KCNIP4: variants seen among roughly 807,000 people sequenced by gnomAD.
KCNIP4 encodes the protein potassium voltage-gated channel interacting protein 4, also known as Kv channel-interacting protein 4.
KCNIP4 carries 12 observed loss-of-function variants against 34.0 expected under a neutral mutation model. The ratio of observed to expected loss-of-function variants is 0.35; its 90% CI spans 0.23 to 0.57. The LOEUF is 0.57. Ranked by LOEUF, KCNIP4 falls within the 20% of genes least tolerant of loss-of-function variation. KCNIP4 has a pLI of 0.83. For missense variants in KCNIP4, 238 were observed against 311.7 expected (o/e 0.76, Z 1.78); for synonymous variants, 124 against 102.2 (o/e 1.21, Z -1.29).
intron 1 of KCNIP4, among the ~76,000 whole-genome samples, chr4:21,184,645 T>C (rs1205030092): frequency 6.6e-6 from 1 of 152,192 alleles, no homozygotes; most frequent in Non-Finnish European, 1.5e-5. Context: ...GCCATGATCA[T>C]TTGTTCTGCA....
intron 1 of KCNIP4, among the ~76,000 whole-genome samples, chr4:20,933,382 G>T (rs1560580856): frequency 6.6e-6 from 1 of 152,102 alleles, no homozygotes; most frequent in African/African-American, 2.4e-5. Context: ...CAAGTAAATA[G>T]ATATTTATAA....
intron 1 of KCNIP4, among the ~76,000 whole-genome samples, chr4:21,480,256 T>C (rs886904823): frequency 1.3e-5 from 2 of 152,010 alleles, no homozygotes; most frequent in African/African-American, 4.8e-5. Context: ...AACAGAAAGA[T>C]GAACAGATTC....
chr4:21,401,545 A>G (rs140342608), intron 1 of KCNIP4, among the ~76,000 whole-genome samples: 1 of 152,318 alleles, frequency 6.6e-6, no homozygotes, highest in African/African-American at 2.4e-5. Flanking sequence ...GGGTAAATTG[A>G]TATTTCCCTA....
chr4:21,933,671 T>A (rs1460133028), intron 1 of KCNIP4, among the ~76,000 whole-genome samples: 1 of 152,092 alleles, frequency 6.6e-6, no homozygotes, highest in Non-Finnish European at 1.5e-5. Context: ...TAAGAAGTGA[T>A]AAATAAATGT....
chr4:21,622,983 A>G (rs1387235225), intron 1 of KCNIP4, among the ~76,000 whole-genome samples: 2 of 152,208 alleles, frequency 1.3e-5, no homozygotes, highest in East Asian at 3.9e-4. Flanking sequence ...TAAGTATTTA[A>G]CATTCAATAT....
At chr4:21,908,610 T>C (rs1728128171) in intron 1 of KCNIP4, among the ~76,000 whole-genome samples, 1 of 152,130 alleles carries the variant, frequency 6.6e-6, no homozygotes, top group African/African-American at 2.4e-5. Flanking sequence ...CAGTGAAAGG[T>C]ATCTGGAATA....
intron 1 of KCNIP4, among the ~76,000 whole-genome samples, chr4:21,885,977 C>A (rs988741435): frequency 6.6e-6 from 1 of 152,044 alleles, no homozygotes; most frequent in Admixed American, 6.6e-5. Flanking sequence ...AGTATCATTA[C>A]TCATTCTCAC....
At chr4:21,887,408 A>G (rs1288586297) in intron 1 of KCNIP4, among the ~76,000 whole-genome samples, 1 of 152,076 alleles carries the variant, frequency 6.6e-6, no homozygotes, top group Non-Finnish European at 1.5e-5. Context: ...CATTCATGAG[A>G]GTTCCACCCC....
At chr4:20,888,225 T>C (rs186756508) in intron 1 of KCNIP4, among the ~76,000 whole-genome samples, 75 of 152,248 alleles carry the variant, frequency 4.9e-4, no homozygotes, top group Middle Eastern at 3.4e-3. Flanking sequence ...CATAAGATAG[T>C]AAATGTATAC....
At chr4:21,136,139 T>C (rs1751477871) in intron 1 of KCNIP4, among the ~76,000 whole-genome samples, 1 of 152,240 alleles carries the variant, frequency 6.6e-6, no homozygotes. Flanking sequence ...TTAAATTTTC[T>C]GAGCCTTGAA....
chr4:21,099,421 A>G (rs1747747075), intron 1 of KCNIP4, among the ~76,000 whole-genome samples: 1 of 152,150 alleles, frequency 6.6e-6, no homozygotes, highest in African/African-American at 2.4e-5. Flanking sequence ...ATGAGAACAC[A>G]TGGACACATC....
chr4:21,510,172 A>C (rs1734195443), intron 1 of KCNIP4, among the ~76,000 whole-genome samples: 1 of 151,356 alleles, frequency 6.6e-6, no homozygotes, highest in Non-Finnish European at 1.5e-5. Context: ...TATTGAAATG[A>C]TGTTAATGAA....
At chr4:21,447,225 G>A (rs2109730693) in intron 1 of KCNIP4, among the ~76,000 whole-genome samples, 1 of 152,206 alleles carries the variant, frequency 6.6e-6, no homozygotes, top group African/African-American at 2.4e-5. Context: ...CCATGTGAAG[G>A]TGGAGCAGAA....
intron 3 of KCNIP4, among the ~76,000 whole-genome samples, chr4:20,808,634 G>A (rs889004523): frequency 1.3e-5 from 2 of 152,282 alleles, no homozygotes; most frequent in South Asian, 4.1e-4. Flanking sequence ...GGGATGCCCA[G>A]AGCCCAAGTA....
At chr4:21,021,780 G>A (rs1311677308) in intron 1 of KCNIP4, among the ~76,000 whole-genome samples, 2 of 151,944 alleles carry the variant, frequency 1.3e-5, no homozygotes, top group Non-Finnish European at 2.9e-5. Flanking sequence ...GCCTCCCTGA[G>A]GCTATTTTAC....
chr4:21,356,806 G>GA (rs1414930157), intron 1 of KCNIP4, among the ~76,000 whole-genome samples: 1 of 152,018 alleles, frequency 6.6e-6, no homozygotes, highest in Admixed American at 6.6e-5. Flanking sequence ...CACAGAATTG[G>GA]AAAAAACTAC....
At chr4:21,382,108 C>T (rs763194479) in intron 1 of KCNIP4, among the ~76,000 whole-genome samples, 7 of 152,002 alleles carry the variant, frequency 4.6e-5, no homozygotes, top group South Asian at 2.1e-4. Context: ...AATGGATGGA[C>T]GAACAGATTT....
chr4:21,566,378 T>G (rs1306114916), intron 1 of KCNIP4, among the ~76,000 whole-genome samples: 4 of 152,062 alleles, frequency 2.6e-5, no homozygotes. Context: ...TGGGAAGTGA[T>G]TAGATCATGG....
At chr4:21,678,878 G>C (rs1012904301) in intron 1 of KCNIP4, among the ~76,000 whole-genome samples, 2 of 152,128 alleles carry the variant, frequency 1.3e-5, no homozygotes, top group Admixed American at 1.3e-4. Flanking sequence ...ACTGTACTTA[G>C]AGATAAGATC....
Sources: allele counts gnomAD v4.1 joint callset (sites outside exome capture counted in the v4.1 genomes callset), GRCh38; gene constraint gnomAD v4.1.1; transcripts MANE v1.5; gene names NCBI Gene and HGNC (gene_info 2026-07-23, HGNC 2026-07-21).